Variants in DENND1B observed in about 807,000 individuals in gnomAD.
DENND1B encodes the protein DENN domain containing 1B.
Under a neutral mutation model 90.1 loss-of-function variants are expected in DENND1B, and 59 were observed. The ratio of observed to expected loss-of-function variants is 0.65; its 90% CI spans 0.53 to 0.81. The LOEUF is 0.81. Ranked by LOEUF, DENND1B falls within the 40% of genes least tolerant of loss-of-function variation. The pLI, the probability that DENND1B is intolerant of heterozygous loss-of-function variation, is 0.00. For synonymous variants in DENND1B, 337 were observed against 324.6 expected, an observed-to-expected ratio of 1.04 and a Z score of -0.41; for missense variants, 862 against 912.6, an observed-to-expected ratio of 0.94 and a Z score of 0.71.
upstream of DENND1B, among the ~76,000 whole-genome samples, chr1:197,780,084 T>C (rs1558512403): frequency 6.6e-6 from 1 of 152,204 alleles, no homozygotes; most frequent in Non-Finnish European, 1.5e-5. Flanking sequence ...AGACCATTCA[T>C]GTGAGACCTG....
chr1:197,750,044 G>T (rs960517466), intron 2 of DENND1B, among the ~76,000 whole-genome samples: 2 of 151,982 alleles, frequency 1.3e-5, no homozygotes. Context: ...ATGAGGTCTC[G>T]CTATTTTGGC....
At chr1:197,665,886 C>T (rs1208838347) in intron 5 of DENND1B, among the ~76,000 whole-genome samples, 1 of 151,862 alleles carries the variant, frequency 6.6e-6, no homozygotes, top group Non-Finnish European at 1.5e-5. Context: ...ATAGGAGAAA[C>T]ATCAATTAAT....
At chr1:197,752,810 G>A (rs1054578148) in intron 2 of DENND1B, among the ~76,000 whole-genome samples, 5 of 151,758 alleles carry the variant, frequency 3.3e-5, no homozygotes, top group Admixed American at 6.6e-5. Context: ...GACAGGCCCC[G>A]GTGTGTGATG....
At chr1:197,595,066 T>C in intron 14 of DENND1B, 142 bp downstream of exon 14, 1 of 1,176,306 alleles carries the variant, frequency 8.5e-7, no homozygotes, top group Non-Finnish European at 1.2e-6. Context: ...ATGTATGTTT[T>C]GAAACACATT....
chr1:197,641,258 A>G (rs551737157), intron 10 of DENND1B, among the ~76,000 whole-genome samples: 1 of 152,328 alleles, frequency 6.6e-6, no homozygotes, highest in African/African-American at 2.4e-5. Context: ...CCATTTAAAA[A>G]TATCCTTTTT....
chr1:197,679,388 A>G lies in DENND1B; in HGVS notation c.127-5219T>C, dbSNP rs1343627579. Reference sequence around the variant, plus strand: ...ATACAAATAATACATATAAAAAACCAATATACTATAACAACTATTAATAGA... The same window carrying G: ...ATACAAATAATACATATAAAAAACCGATATACTATAACAACTATTAATAGA... On this transcript the variant is annotated intron_variant, in intron 3 of 22. Transcript: ENST00000620048. Among the ~76,000 whole-genome samples the G allele has an allele frequency of 2.0e-5, 3 of 151,542 alleles. No individual in the cohort carries two copies. In the East Asian group the frequency reaches 5.8e-4, roughly 29 times the overall value.
intron 3 of DENND1B, among the ~76,000 whole-genome samples, chr1:197,687,149 T>C (rs945373253): frequency 3.3e-5 from 5 of 152,164 alleles, no homozygotes; most frequent in African/African-American, 1.2e-4. Flanking sequence ...CAGAATGCAT[T>C]GACTCAAATC....
chr1:197,641,822 CCTT>C (rs1409308756), intron 10 of DENND1B, among the ~76,000 whole-genome samples: 1 of 151,938 alleles, frequency 6.6e-6, no homozygotes, highest in Non-Finnish European at 1.5e-5. Context: ...TCCTGAAACT[CCTT>C]CTACTTTAAA....
chr1:197,754,671 A>G (rs1413723739), intron 2 of DENND1B, among the ~76,000 whole-genome samples: 1 of 148,174 alleles, frequency 6.7e-6, no homozygotes, highest in African/African-American at 2.6e-5. Flanking sequence ...AAAAAAAAAA[A>G]AAAAAAAAAA....
At chr1:197,625,392 G>A (rs935451467) in intron 10 of DENND1B, among the ~76,000 whole-genome samples, 1 of 152,074 alleles carries the variant, frequency 6.6e-6, no homozygotes, top group African/African-American at 2.4e-5. Context: ...TTTCAACCCA[G>A]AATTTCATAT....
chr1:197,529,337 T>C (rs1279835584), intron 20 of DENND1B, among the ~76,000 whole-genome samples: 6 of 148,922 alleles, frequency 4.0e-5, no homozygotes, highest in Admixed American at 3.3e-4. Flanking sequence ...TATATATGTG[T>C]GTGTGTGTGT....
chr1:197,648,676 C>T (rs570022509), intron 7 of DENND1B, among the ~76,000 whole-genome samples: 2 of 152,192 alleles, frequency 1.3e-5, no homozygotes, highest in South Asian at 4.1e-4. Context: ...TTCCCTTGGT[C>T]TTTCTATTGT....
chr1:197,644,238 T>C (rs984941217), intron 9 of DENND1B, among the ~76,000 whole-genome samples: 3 of 152,234 alleles, frequency 2.0e-5, no homozygotes, highest in Non-Finnish European at 4.4e-5. Flanking sequence ...TTTCTCAGCA[T>C]AGAGTGCTGC....
chr1:197,762,387 C>T (rs1188372862), intron 2 of DENND1B, among the ~76,000 whole-genome samples: 1 of 152,118 alleles, frequency 6.6e-6, no homozygotes. Context: ...CTGCCTCAGC[C>T]TCCTGAGTAG....
chr1:197,607,866 T>C (rs926222541), intron 12 of DENND1B, among the ~76,000 whole-genome samples: 12 of 150,730 alleles, frequency 8.0e-5, no homozygotes, highest in African/African-American at 2.7e-4. Flanking sequence ...AATTTTATCA[T>C]AGTTTTCATC....
intron 20 of DENND1B, among the ~76,000 whole-genome samples, 158 bp downstream of exon 20, chr1:197,539,806 T>G (rs1460275976): frequency 6.6e-6 from 1 of 152,186 alleles, no homozygotes; most frequent in East Asian, 1.9e-4. Context: ...TCAATCCCCT[T>G]GTAGCCTTCC....
chr1:197,762,272 T>C (rs1174763477), intron 2 of DENND1B, among the ~76,000 whole-genome samples: 5 of 147,994 alleles, frequency 3.4e-5, no homozygotes, highest in Admixed American at 3.4e-4. Context: ...TAGTCAGCAT[T>C]TTTTTTTTTT....
At chr1:197,679,780 TA>T (rs1656468630) in intron 3 of DENND1B, among the ~76,000 whole-genome samples, 1 of 149,416 alleles carries the variant, frequency 6.7e-6, no homozygotes, top group African/African-American at 2.5e-5. Flanking sequence ...TCAAAGTGTA[TA>T]TATAAGAATA....
At chr1:197,647,805 C>T (rs1164172877) in intron 7 of DENND1B, among the ~76,000 whole-genome samples, 4 of 151,638 alleles carry the variant, frequency 2.6e-5, no homozygotes, top group Non-Finnish European at 5.9e-5. Flanking sequence ...AAAATTAGCC[C>T]GGTTTGGTGG....
Sources: gnomAD v4.1 joint callset for allele counts (sites outside exome capture counted in the v4.1 genomes callset) on GRCh38, gnomAD v4.1.1 for gene constraint, MANE v1.5 for transcripts, NCBI Gene and HGNC (gene_info 2026-07-23, HGNC 2026-07-21) for gene names.